NEDD4L: variants seen among roughly 807,000 people sequenced by gnomAD.
NEDD4L encodes E3 ubiquitin-protein ligase NEDD4-like.
NEDD4L carries 54 observed loss-of-function variants against 148.9 expected under a neutral mutation model. The observed-to-expected ratio is 0.36, with a 90% CI of 0.29 to 0.45. NEDD4L has a LOEUF of 0.45. Among genes scored for constraint, NEDD4L ranks in the 20% least tolerant of loss-of-function variants. The pLI is 1.00. For missense variants in NEDD4L, 856 were observed against 1,233.8 expected (o/e 0.69, Z 4.59); for synonymous variants, 433 against 440.7 (o/e 0.98, Z 0.22).
chr18:58,182,021 A>G (rs1227580328), intron 2 of NEDD4L, among the ~76,000 whole-genome samples: 1 of 152,082 alleles, frequency 6.6e-6, no homozygotes, highest in Non-Finnish European at 1.5e-5. Flanking sequence ...ACCCTCAACC[A>G]TGGCAGCAAC....
chr18:58,204,524 G>A (rs2147506399), intron 2 of NEDD4L, among the ~76,000 whole-genome samples: 1 of 152,332 alleles, frequency 6.6e-6, no homozygotes, highest in Non-Finnish European at 1.5e-5. Flanking sequence ...GATGCTTACA[G>A]TCTAATAGAA....
chr18:58,373,302 A>G (rs1363327136), intron 24 of NEDD4L, 33 bp downstream of exon 24: 1 of 1,286,550 alleles, frequency 7.8e-7, no homozygotes, highest in African/African-American at 1.5e-5. Context: ...ACTCTTCTTT[A>G]GCTTTCAAGG....
intron 1 of NEDD4L, among the ~76,000 whole-genome samples, chr18:58,123,066 GC>G (rs2145843323): frequency 6.6e-6 from 1 of 152,182 alleles, no homozygotes; most frequent in African/African-American, 2.4e-5. Flanking sequence ...TACTGTTCTT[GC>G]CTCTGTGCCT....
intron 5 of NEDD4L, among the ~76,000 whole-genome samples, chr18:58,295,940 G>A (rs375103047): frequency 1.1e-4 from 16 of 152,242 alleles, no homozygotes; most frequent in African/African-American, 3.4e-4. Flanking sequence ...TTTGGTGAGT[G>A]AAACAGTATT....
In NEDD4L at chr18:58,401,475, T is replaced by A. The variant is rs540894964; in HGVS notation, c.*5206T>A. 7.2e-5 allele frequency: 11 copies of A among 152,354 alleles called. No homozygotes were observed. In the East Asian group the frequency reaches 2.1e-3, roughly 29 times the overall value. 9.4% of individuals were successfully genotyped at this position (152,354 alleles called of 1,614,324 possible). ...GACTAATGTGACAAAATGAAGTCATTGTAAAGAAGCGATGCAACTTGTCAA... is the reference window on the plus strand; with the variant it reads ...GACTAATGTGACAAAATGAAGTCATAGTAAAGAAGCGATGCAACTTGTCAA... On this transcript the variant is annotated 3_prime_UTR_variant, in exon 31 of 31. Coordinates refer to ENST00000400345, the MANE Select transcript of NEDD4L (RefSeq NM_001144967.3).
At chr18:58,363,019 A>C (rs767544343) in intron 19 of NEDD4L, among the ~76,000 whole-genome samples, 4 of 152,236 alleles carry the variant, frequency 2.6e-5, no homozygotes, top group Non-Finnish European at 5.9e-5. Context: ...AAATCAAAGA[A>C]GACTGGCTTA....
At chr18:58,320,638 A>AC (rs2058692501) in intron 6 of NEDD4L, among the ~76,000 whole-genome samples, 1 of 151,908 alleles carries the variant, frequency 6.6e-6, no homozygotes, top group Admixed American at 6.6e-5. Context: ...ACATAGGAAG[A>AC]CCCCCATGTC....
intron 5 of NEDD4L, among the ~76,000 whole-genome samples, chr18:58,282,729 C>T (rs11663936): frequency 0.18 from 27,710 of 152,098 alleles, 2,665 homozygotes; most frequent in East Asian, 0.28. Context: ...TATATGAGCT[C>T]ATGAAATGGA....
chr18:58,077,526 A>G (rs1249642313), intron 1 of NEDD4L, among the ~76,000 whole-genome samples: 1 of 152,130 alleles, frequency 6.6e-6, no homozygotes, highest in Admixed American at 6.5e-5. Context: ...CGTTAACTAC[A>G]GTTTAATATT....
At chr18:58,150,840 C>A (rs1447194433) in intron 1 of NEDD4L, among the ~76,000 whole-genome samples, 1 of 152,002 alleles carries the variant, frequency 6.6e-6, no homozygotes, top group African/African-American at 2.4e-5. Context: ...GTTTTCCATA[C>A]TGGGGGCCTT....
At chr18:58,206,400 A>G (rs2041992876) in intron 2 of NEDD4L, among the ~76,000 whole-genome samples, 1 of 152,024 alleles carries the variant, frequency 6.6e-6, no homozygotes, top group African/African-American at 2.4e-5. Context: ...AAACAACAAC[A>G]ACAGCAACAA....
At chr18:58,290,951 C>G (rs748307981) in intron 5 of NEDD4L, among the ~76,000 whole-genome samples, 1 of 152,194 alleles carries the variant, frequency 6.6e-6, no homozygotes, top group Non-Finnish European at 1.5e-5. Context: ...TCACACTACC[C>G]GTCAACATAG....
intron 1 of NEDD4L, among the ~76,000 whole-genome samples, chr18:58,105,719 C>T (rs927696441): frequency 6.6e-6 from 1 of 152,058 alleles, no homozygotes; most frequent in Non-Finnish European, 1.5e-5. Context: ...GTTTTGAAGC[C>T]AACTCCACAC....
At chr18:58,203,880 T>TTG (rs1196366519) in intron 2 of NEDD4L, among the ~76,000 whole-genome samples, 2 of 152,130 alleles carry the variant, frequency 1.3e-5, no homozygotes, top group Non-Finnish European at 2.9e-5. Context: ...TAGAGAAAGT[T>TTG]TTTCAGTCTG....
At chr18:58,333,673 C>G (rs1287447770) in intron 11 of NEDD4L, 145 bp from the exon 12 acceptor site, 9 of 660,176 alleles carry the variant, frequency 1.4e-5, no homozygotes, top group Non-Finnish European at 2.5e-5. Context: ...GGATGACTGT[C>G]CTTGCTCTGA....
chr18:58,363,191 C>T (rs2045702780), intron 19 of NEDD4L, among the ~76,000 whole-genome samples: 2 of 152,128 alleles, frequency 1.3e-5, no homozygotes, highest in African/African-American at 4.8e-5. Flanking sequence ...TTTATATAAA[C>T]ATGTCTTAAA....
At chr18:58,104,870 A>AC (rs1430540716) in intron 1 of NEDD4L, among the ~76,000 whole-genome samples, 1 of 34,820 alleles carries the variant, frequency 2.9e-5, no homozygotes, top group Non-Finnish European at 6.1e-5. Context: ...CAACCCCTCC[A>AC]CCCCCCAAAC....
chr18:58,135,859 AGGTT>A (rs2146042547), intron 1 of NEDD4L, among the ~76,000 whole-genome samples: 1 of 152,334 alleles, frequency 6.6e-6, no homozygotes, highest in Admixed American at 6.5e-5. Flanking sequence ...GGGAGAGCCC[AGGTT>A]ATTGAGACAG....
At chr18:58,120,623 C>G (rs955244461) in intron 1 of NEDD4L, among the ~76,000 whole-genome samples, 7 of 151,842 alleles carry the variant, frequency 4.6e-5, no homozygotes, top group Admixed American at 4.6e-4. Flanking sequence ...ACTAAAAATA[C>G]AAAAAAATTA....
Sources: gnomAD v4.1 joint callset for allele counts (sites outside exome capture counted in the v4.1 genomes callset) on GRCh38, gnomAD v4.1.1 for gene constraint, MANE v1.5 for transcripts, NCBI Gene and HGNC (gene_info 2026-07-23, HGNC 2026-07-21) for gene names.